ADAMTSL1: variants seen among roughly 807,000 people sequenced by gnomAD.
ADAMTSL1 encodes the protein ADAMTS-like protein 1.
In ADAMTSL1, 126 loss-of-function variants were observed where a neutral mutation model predicts 201.8. That is an observed-to-expected ratio of 0.62 (90% CI 0.54 to 0.72). ADAMTSL1 has a LOEUF of 0.72. Ranked by LOEUF, ADAMTSL1 falls within the 30% of genes least tolerant of loss-of-function variation. ADAMTSL1 has a pLI of 0.00. For synonymous variants in ADAMTSL1, 1,121 were observed against 903.4 expected, an observed-to-expected ratio of 1.24 and a Z score of -4.32; for missense variants, 2,679 against 2,277.8, an observed-to-expected ratio of 1.18 and a Z score of -3.59.
intron 2 of ADAMTSL1, among the ~76,000 whole-genome samples, chr9:18,259,862 G>T (rs1749661736): frequency 6.6e-6 from 1 of 152,114 alleles, no homozygotes; most frequent in African/African-American, 2.4e-5. Flanking sequence ...AAAAGGGAAA[G>T]AACAATTATA....
intron 9 of ADAMTSL1, among the ~76,000 whole-genome samples, chr9:18,664,000 T>C (rs1829272773): frequency 6.6e-6 from 1 of 152,034 alleles, no homozygotes; most frequent in South Asian, 2.1e-4. Flanking sequence ...TGAGTAAATG[T>C]TGGGACAGTT....
chr9:18,654,252 C>T (rs186574153), intron 7 of ADAMTSL1, among the ~76,000 whole-genome samples: 1 of 152,292 alleles, frequency 6.6e-6, no homozygotes, highest in African/African-American at 2.4e-5. Context: ...CTTGGATAAA[C>T]ATTGTTTTGT....
At chr9:17,909,179 T>C (rs1825837410) in intron 1 of ADAMTSL1, among the ~76,000 whole-genome samples, 2 of 147,332 alleles carry the variant, frequency 1.4e-5, no homozygotes, top group Non-Finnish European at 3.0e-5. Context: ...TTTGTTTTTT[T>C]CTTGTAAATT....
intron 4 of ADAMTSL1, among the ~76,000 whole-genome samples, chr9:18,617,006 G>C (rs1469204406): frequency 2.6e-5 from 4 of 152,108 alleles, no homozygotes; most frequent in Admixed American, 6.6e-5. Flanking sequence ...ATATAAATAA[G>C]AACAGCTATG....
At chr9:17,958,941 ATTGAG>A (rs1180882121) in intron 1 of ADAMTSL1, among the ~76,000 whole-genome samples, 8 of 152,150 alleles carry the variant, frequency 5.3e-5, no homozygotes, top group Admixed American at 4.6e-4. Context: ...CCCTGTAAGT[ATTGAG>A]TTGAGTATCT....
At position 18,906,714 on chromosome 9, in the gene ADAMTSL1, T is replaced by C; in HGVS notation, c.4984T>C (p.Trp1662Arg). The change falls in exon 28 of 29, where the codon TGG becomes CGG. Residue 1662 changes from tryptophan to arginine, a missense_variant. By Grantham distance (101) the Trp-to-Arg change is moderately radical. Transcript: ENST00000380548. The part of the protein sequence containing the change: ...LPRPVSTQNC[W>R]SEACSVHWRV... Reference sequence around the variant, plus strand: ...CAGGCCTGTGAGCACCCAGAACTGCTGGTCAGAGGCCTGCAGTGTACACTG... The same window carrying C: ...CAGGCCTGTGAGCACCCAGAACTGCCGGTCAGAGGCCTGCAGTGTACACTG... The C allele has an allele frequency of 6.2e-7, 1 of 1,606,334 alleles. No homozygotes were observed. Among genetic ancestry groups the C allele is most frequent in the Non-Finnish European group, 8.5e-7 (1 of 1,176,070 alleles).
chr9:18,798,605 G>T (rs1433819), intron 20 of ADAMTSL1, among the ~76,000 whole-genome samples: 7 of 152,170 alleles, frequency 4.6e-5, no homozygotes, highest in African/African-American at 1.2e-4. Flanking sequence ...GAATGTCTCA[G>T]TGTCAAATAG....
At chr9:18,728,148 G>A (rs73417105) in intron 15 of ADAMTSL1, among the ~76,000 whole-genome samples, 2 of 152,018 alleles carry the variant, frequency 1.3e-5, no homozygotes, top group Non-Finnish European at 2.9e-5. Context: ...TGCCTTGCAT[G>A]CATGTATTTA....
At chr9:18,699,631 C>T (rs767753932) in intron 13 of ADAMTSL1, among the ~76,000 whole-genome samples, 9 of 152,106 alleles carry the variant, frequency 5.9e-5, no homozygotes, top group Non-Finnish European at 1.3e-4. Context: ...TGCCTGGCCA[C>T]TTTAATATGT....
In ADAMTSL1 at chr9:18,776,958, C is replaced by G; in HGVS notation, c.2729C>G (p.Thr910Ser). ...CGCAGGGTCCGCAAGCCCCTCATCA[C>G]CTGGGAGAAGGACGGCCAGCACCTC... is the stretch of plus-strand genomic sequence containing the variant. ...PARRVRKPLI[T>S]WEKDGQHLIS... The change falls in exon 19 of 29, where the codon ACC (threonine) becomes AGC (serine). Residue 910 changes from threonine to serine, a missense_variant. Thr to Ser is a moderately conservative substitution (Grantham distance 58, BLOSUM62 1). Transcript: ENST00000380548. 6.3e-7 allele frequency: 1 copy of G among 1,598,218 alleles called. No individual in the cohort carries two copies.
intron 15 of ADAMTSL1, 93 bp downstream of exon 15, chr9:18,721,758 T>A: frequency 6.7e-7 from 1 of 1,486,302 alleles, no homozygotes; most frequent in Non-Finnish European, 9.0e-7. Context: ...TATTTGTTAC[T>A]CAGTGTTTTG....
At chr9:17,964,201 T>C (rs1347382867) in intron 1 of ADAMTSL1, among the ~76,000 whole-genome samples, 1 of 152,196 alleles carries the variant, frequency 6.6e-6, no homozygotes, top group African/African-American at 2.4e-5. Flanking sequence ...GGTCACTTGA[T>C]GGAACACCAT....
intron 1 of ADAMTSL1, among the ~76,000 whole-genome samples, chr9:18,155,017 A>C (rs761813964): frequency 2.6e-5 from 4 of 152,010 alleles, no homozygotes; most frequent in Non-Finnish European, 4.4e-5. Flanking sequence ...GTGGTGAGTC[A>C]CAGATATAAG....
intron 2 of ADAMTSL1, among the ~76,000 whole-genome samples, chr9:18,322,335 G>C (rs1033758938): frequency 1.3e-5 from 2 of 152,112 alleles, no homozygotes; most frequent in Non-Finnish European, 2.9e-5. Context: ...TAATAATTTT[G>C]TTAAACCATT....
At chr9:18,378,454 T>G (rs1230376724) in intron 2 of ADAMTSL1, among the ~76,000 whole-genome samples, 1 of 152,238 alleles carries the variant, frequency 6.6e-6, no homozygotes. Context: ...CTTACTTGTT[T>G]TATTTCTATT....
chr9:18,707,917 T>G (rs1832323950), intron 14 of ADAMTSL1, among the ~76,000 whole-genome samples: 1 of 152,196 alleles, frequency 6.6e-6, no homozygotes, highest in South Asian at 2.1e-4. Flanking sequence ...TCTTCAAGAT[T>G]ACGAACTTTC....
At chr9:18,377,196 A>G (rs1279784324) in intron 2 of ADAMTSL1, among the ~76,000 whole-genome samples, 3 of 152,256 alleles carry the variant, frequency 2.0e-5, no homozygotes, top group African/African-American at 7.2e-5. Flanking sequence ...CTAGCTGTGT[A>G]AACTCAAGGA....
At chr9:18,111,921 T>A (rs1009592023) in intron 1 of ADAMTSL1, among the ~76,000 whole-genome samples, 52 of 151,494 alleles carry the variant, frequency 3.4e-4, no homozygotes, top group Middle Eastern at 3.4e-3. Context: ...AAATTAATAT[T>A]TTTTTAAGCA....
At chr9:18,191,689 C>G (rs1438286721) in intron 2 of ADAMTSL1, among the ~76,000 whole-genome samples, 1 of 152,166 alleles carries the variant, frequency 6.6e-6, no homozygotes, top group Non-Finnish European at 1.5e-5. Context: ...CCACAAATTT[C>G]CAGGCCCGAT....
Sources: gnomAD v4.1 joint callset for allele counts (sites outside exome capture counted in the v4.1 genomes callset) on GRCh38, gnomAD v4.1.1 for gene constraint, MANE v1.5 for transcripts, NCBI Gene and HGNC (gene_info 2026-07-23, HGNC 2026-07-21) for gene names.